Variants in MAST4 observed in about 807,000 individuals in gnomAD.
MAST4 encodes microtubule-associated serine/threonine-protein kinase 4.
Under a neutral mutation model 162.7 loss-of-function variants are expected in MAST4, and 89 were observed. That is an observed-to-expected ratio of 0.55 (90% CI 0.46 to 0.65). MAST4 has a LOEUF of 0.65. Among genes scored for constraint, MAST4 ranks in the 30% least tolerant of loss-of-function variants. MAST4 has a pLI of 0.00. For synonymous variants in MAST4, 1,479 were observed against 1,361.1 expected (o/e 1.09, Z -1.91); for missense variants, 3,153 against 3,374.0 (o/e 0.93, Z 1.62).
At chr5:66,931,177 A>G (rs1435804117) in intron 4 of MAST4, among the ~76,000 whole-genome samples, 5 of 152,170 alleles carry the variant, frequency 3.3e-5, no homozygotes, top group African/African-American at 1.2e-4. Flanking sequence ...GGGAACTGAG[A>G]AGGCAATTCA....
chr5:66,787,901 A>G (rs1420096363), intron 2 of MAST4, among the ~76,000 whole-genome samples: 2 of 152,256 alleles, frequency 1.3e-5, no homozygotes, highest in Non-Finnish European at 2.9e-5. Flanking sequence ...CTTTATTGCT[A>G]TATGAATATT....
At chr5:66,916,245 A>G (rs754006941) in intron 4 of MAST4, among the ~76,000 whole-genome samples, 3 of 152,202 alleles carry the variant, frequency 2.0e-5, no homozygotes, top group Non-Finnish European at 2.9e-5. Context: ...GTGGAGACCA[A>G]TGGCTTAGAA....
rs530592725 is a variant in MAST4, at chr5:67,141,796, T to G, written c.2495-319T>G. Among the ~76,000 whole-genome samples, 4 of 152,354 alleles carry G rather than the reference T, an allele frequency of 2.6e-5. No homozygotes were observed. The South Asian group carries it at 8.3e-4, about 32-fold the overall frequency. On this transcript the variant is annotated intron_variant, in intron 19 of 28. Coordinates refer to ENST00000403625, the MANE Select transcript of MAST4 (RefSeq NM_001164664.2). ...AGTGAGTCTGCTGTGGGCCAATATTTATCTACATCTCCAGGTTCAGCATAC... is the reference window on the plus strand; with the variant it reads ...AGTGAGTCTGCTGTGGGCCAATATTGATCTACATCTCCAGGTTCAGCATAC...
chr5:66,902,636 A>G (rs1763085453), intron 4 of MAST4: 3 of 457,618 alleles, frequency 6.6e-6, no homozygotes, highest in Non-Finnish European at 1.3e-5. Flanking sequence ...TGTTTTATAT[A>G]CATTTTTAAA....
At chr5:67,060,259 G>A (rs931240585) in intron 5 of MAST4, among the ~76,000 whole-genome samples, 5 of 152,040 alleles carry the variant, frequency 3.3e-5, no homozygotes, top group Non-Finnish European at 7.4e-5. Flanking sequence ...CTTGCAACTC[G>A]TTCATTAGAT....
intron 1 of MAST4, among the ~76,000 whole-genome samples, chr5:66,672,633 G>A (rs770292727): frequency 1.1e-4 from 16 of 152,138 alleles, no homozygotes; most frequent in Non-Finnish European, 1.6e-4. Flanking sequence ...TGTGCATACA[G>A]TTCTTGTCTC....
chr5:66,973,400 C>A lies in MAST4; in HGVS notation c.674+73418C>A, dbSNP rs1440939526. Among the ~76,000 whole-genome samples the A allele has an allele frequency of 2.0e-5, 3 of 151,908 alleles. No homozygotes were observed. In the East Asian group the frequency reaches 5.8e-4, roughly 29 times the overall value. ...AGAAAGTTATACTGTCTTTCTTCTTCCCTCAGTACTAGACAACTTTTCTGT... is the reference window on the plus strand; with the variant it reads ...AGAAAGTTATACTGTCTTTCTTCTTACCTCAGTACTAGACAACTTTTCTGT... On this transcript the variant is annotated intron_variant, in intron 4 of 28. Transcript: ENST00000403625.
At chr5:67,032,481 A>G (rs1991492) in intron 4 of MAST4, among the ~76,000 whole-genome samples, 39,483 of 152,124 alleles carry the variant, frequency 0.26, 5,605 homozygotes, top group African/African-American at 0.35. Context: ...AAAGAACAAG[A>G]TACATGCTTG....
At chr5:67,138,121 A>G (rs947803907) in intron 19 of MAST4, among the ~76,000 whole-genome samples, 1 of 152,174 alleles carries the variant, frequency 6.6e-6, no homozygotes, top group Non-Finnish European at 1.5e-5. Context: ...ATGACCCTGG[A>G]CAGGTTACTT....
At chr5:66,949,865 G>C (rs13167509) in intron 4 of MAST4, among the ~76,000 whole-genome samples, 2 of 152,242 alleles carry the variant, frequency 1.3e-5, no homozygotes, top group Non-Finnish European at 1.5e-5. Flanking sequence ...TCAAATCCTA[G>C]ATGGCATGAT....
intron 1 of MAST4, among the ~76,000 whole-genome samples, chr5:66,613,536 A>C (rs10066948): frequency 0.31 from 47,173 of 151,830 alleles, 7,915 homozygotes; most frequent in African/African-American, 0.43. Flanking sequence ...CTTGGCAGGA[A>C]TCATGGCCCC....
At chr5:66,829,764 A>C (rs773984444) in intron 3 of MAST4, among the ~76,000 whole-genome samples, 9 of 152,126 alleles carry the variant, frequency 5.9e-5, no homozygotes, top group Non-Finnish European at 1.3e-4. Context: ...TGTTTCCTTA[A>C]TATTAAGTCT....
At chr5:66,781,619 G>A (rs1197052049) in intron 2 of MAST4, among the ~76,000 whole-genome samples, 1 of 152,118 alleles carries the variant, frequency 6.6e-6, no homozygotes, top group African/African-American at 2.4e-5. Flanking sequence ...TTCCTGGTTG[G>A]TACCTTAGAG....
intron 3 of MAST4, among the ~76,000 whole-genome samples, chr5:66,850,323 C>G (rs1050980173): frequency 2.6e-5 from 4 of 152,152 alleles, no homozygotes; most frequent in Admixed American, 2.6e-4. Context: ...CTGAAGTTAT[C>G]AAAATAGTGA....
At chr5:66,917,253 C>G (rs1198981602) in intron 4 of MAST4, 5 of 461,478 alleles carry the variant, frequency 1.1e-5, no homozygotes, top group African/African-American at 9.7e-5. Context: ...CTTTTCTTCA[C>G]TTCATGCTTA....
intron 1 of MAST4, among the ~76,000 whole-genome samples, chr5:66,623,877 C>G (rs1744235210): frequency 6.6e-6 from 1 of 152,106 alleles, no homozygotes; most frequent in Admixed American, 6.5e-5. Context: ...AAAGACTTCA[C>G]AAAAACTGTT....
chr5:67,166,847 C>A lies in MAST4; in HGVS notation c.7668C>A (p.Thr2556=). The A allele has an allele frequency of 6.2e-7, 1 of 1,605,228 alleles. No individual in the cohort carries two copies. Among genetic ancestry groups the A allele is most frequent in the Non-Finnish European group, 8.5e-7 (1 of 1,176,424 alleles). Residue 2556 remains threonine (T), a synonymous_variant, in exon 29 of 29, where the codon ACC becomes ACA. Coordinates refer to ENST00000403625, the MANE Select transcript of MAST4 (RefSeq NM_001164664.2). ...ACAGGGCTCTCTCGGTGACTGCCAC[C>A]GTAGGGGAAACCAAAGGGAAGGACC... ...HRDRALSVTA[T]VGETKGKDPA... is the part of the protein sequence containing the mutation.
chr5:66,891,500 C>T (rs976461642), intron 3 of MAST4, among the ~76,000 whole-genome samples: 4 of 152,092 alleles, frequency 2.6e-5, no homozygotes, highest in African/African-American at 9.7e-5. Flanking sequence ...ATCTTATTCC[C>T]CTCTTTAAAA....
chr5:67,019,409 C>G (rs928482511), intron 4 of MAST4, among the ~76,000 whole-genome samples: 1 of 152,224 alleles, frequency 6.6e-6, no homozygotes, highest in Non-Finnish European at 1.5e-5. Flanking sequence ...AATACTAATG[C>G]TAGCTCAGAA....
Sources: allele counts gnomAD v4.1 joint callset (sites outside exome capture counted in the v4.1 genomes callset), GRCh38; gene constraint gnomAD v4.1.1; transcripts MANE v1.5; gene names NCBI Gene and HGNC (gene_info 2026-07-23, HGNC 2026-07-21).